NFX1: variants seen among roughly 807,000 people sequenced by gnomAD.
NFX1 encodes nuclear transcription factor, X-box binding 1.
NFX1 carries 69 observed loss-of-function variants against 137.2 expected under a neutral mutation model. The observed-to-expected ratio is 0.50, with a 90% CI of 0.41 to 0.61. The LOEUF is 0.61. NFX1 is among the 20% of genes least tolerant of loss of function. The pLI, the probability that NFX1 is intolerant of heterozygous loss-of-function variation, is 0.00. For missense variants in NFX1, 1,167 were observed against 1,391.0 expected, an observed-to-expected ratio of 0.84 and a Z score of 2.56; for synonymous variants, 495 against 474.1, an observed-to-expected ratio of 1.04 and a Z score of -0.57.
intron 19 of NFX1, among the ~76,000 whole-genome samples, chr9:33,362,674 T>TAGTAATA (rs1824033347): frequency 6.7e-6 from 1 of 149,058 alleles, no homozygotes; most frequent in Non-Finnish European, 1.5e-5. Flanking sequence ...AAATAGATGG[T>TAGTAATA]AGTAATAAGT....
chr9:33,322,877 C>G (rs2118419819), intron 9 of NFX1, among the ~76,000 whole-genome samples: 1 of 152,318 alleles, frequency 6.6e-6, no homozygotes, highest in East Asian at 1.9e-4. Flanking sequence ...TGTAGGCCAT[C>G]TAGTTCATCA....
At chr9:33,311,257 T>C (rs1821949928) in intron 6 of NFX1, 80 bp downstream of exon 6, 3 of 1,291,800 alleles carry the variant, frequency 2.3e-6, no homozygotes, top group Admixed American at 1.7e-5. Flanking sequence ...AATAAAAGAA[T>C]AGTAGGTAGA....
chr9:33,369,008 C>T (rs898883954), intron 23 of NFX1, among the ~76,000 whole-genome samples: 1 of 152,188 alleles, frequency 6.6e-6, no homozygotes, highest in African/African-American at 2.4e-5. Flanking sequence ...CGGGTCCAGT[C>T]CTGCTTAGAC....
intron 9 of NFX1, among the ~76,000 whole-genome samples, chr9:33,328,223 C>T (rs1377166889): frequency 6.6e-6 from 1 of 150,788 alleles, no homozygotes; most frequent in Non-Finnish European, 1.5e-5. Flanking sequence ...CACAGGGTTT[C>T]ACCATGTTCC....
chr9:33,320,495 T>C (rs1408381443), intron 9 of NFX1, among the ~76,000 whole-genome samples: 3 of 152,212 alleles, frequency 2.0e-5, no homozygotes, highest in Non-Finnish European at 4.4e-5. Flanking sequence ...TTGTTTATAT[T>C]CTTATCAGTG....
intron 1 of NFX1, among the ~76,000 whole-genome samples, chr9:33,293,403 A>G (rs1191380950): frequency 6.6e-6 from 1 of 152,246 alleles, no homozygotes; most frequent in African/African-American, 2.4e-5. Context: ...TAGTCCTAAC[A>G]GCAATGATAG....
intron 11 of NFX1, among the ~76,000 whole-genome samples, chr9:33,335,916 A>G (rs1445962166): frequency 1.3e-5 from 2 of 152,228 alleles, no homozygotes; most frequent in South Asian, 2.1e-4. Flanking sequence ...TTATGAATAT[A>G]CATTTTATCC....
intron 19 of NFX1, among the ~76,000 whole-genome samples, chr9:33,359,631 T>C (rs1321397444): frequency 6.6e-6 from 1 of 152,068 alleles, no homozygotes; most frequent in African/African-American, 2.4e-5. Flanking sequence ...TCCTGACTAA[T>C]CCTCCATCTC....
chr9:33,326,463 A>T (rs1383611499), intron 9 of NFX1, among the ~76,000 whole-genome samples: 1 of 150,828 alleles, frequency 6.6e-6, no homozygotes, highest in African/African-American at 2.4e-5. Flanking sequence ...TCTCACCTGT[A>T]ATCCCAGCTA....
At chr9:33,366,597 T>G in intron 21 of NFX1, 32 bp from the exon 22 acceptor site, 2 of 1,611,116 alleles carry the variant, frequency 1.2e-6, no homozygotes, top group Non-Finnish European at 1.7e-6. Flanking sequence ...CAGAATGATA[T>G]GATCAATCAG....
At chr9:33,296,825 T>C (rs1371457999) in intron 2 of NFX1, among the ~76,000 whole-genome samples, 1 of 152,258 alleles carries the variant, frequency 6.6e-6, no homozygotes, top group African/African-American at 2.4e-5. Flanking sequence ...TGTCTTTCTC[T>C]TAAATTTGCA....
intron 17 of NFX1, 182 bp downstream of exon 17, chr9:33,352,901 A>G (rs1467053376): frequency 3.6e-6 from 2 of 555,360 alleles, no homozygotes; most frequent in Non-Finnish European, 6.4e-6. Context: ...GTATCCTTGC[A>G]ACTTTTCTAA....
intron 15 of NFX1, chr9:33,348,588 T>C (rs2118624082): frequency 5.6e-6 from 1 of 177,868 alleles, no homozygotes; most frequent in Non-Finnish European, 1.1e-5. Context: ...ATTACCAAAA[T>C]GTGATGCAGA....
intron 6 of NFX1, 86 bp from the exon 7 acceptor site, chr9:33,313,568 G>A: frequency 7.4e-7 from 1 of 1,346,296 alleles, no homozygotes; most frequent in Non-Finnish European, 1.0e-6. Context: ...GGGTTTTGAG[G>A]GGAGAGTTAG....
At chr9:33,299,147 C>T (rs1821462258) in intron 2 of NFX1, among the ~76,000 whole-genome samples, 2 of 152,212 alleles carry the variant, frequency 1.3e-5, no homozygotes, top group African/African-American at 2.4e-5. Context: ...TAACGTCTTA[C>T]ATAACCAGAC....
intron 1 of NFX1, among the ~76,000 whole-genome samples, chr9:33,291,519 C>T (rs1821160021): frequency 6.6e-6 from 1 of 152,196 alleles, no homozygotes; most frequent in South Asian, 2.1e-4. Context: ...TCAGCTCTGT[C>T]CCTGACCAGC....
At chr9:33,341,560 A>G (rs548156556) in intron 12 of NFX1, among the ~76,000 whole-genome samples, 2 of 152,338 alleles carry the variant, frequency 1.3e-5, no homozygotes, top group East Asian at 1.9e-4. Context: ...TTAAATTTAT[A>G]TATTTAAGTG....
At chr9:33,305,018 T>C (rs1364400178) in intron 4 of NFX1, among the ~76,000 whole-genome samples, 1 of 152,234 alleles carries the variant, frequency 6.6e-6, no homozygotes, top group Non-Finnish European at 1.5e-5. Flanking sequence ...AGAATGCACA[T>C]AAAGGCCTTA....
In NFX1 at chr9:33,320,335, C is replaced by T. The variant is rs973082501; in HGVS notation, c.1906+1208C>T. Among the ~76,000 whole-genome samples the T allele has an allele frequency of 7.2e-5, 11 of 152,258 alleles. No individual in the cohort carries two copies. The East Asian group carries it at 1.4e-3, about 19-fold the overall frequency. ...TTACTGAAGGTGTTGTAATTTTTCT[C>T]TCATTGACCCAGAGTCATCATTTTT... On this transcript the variant is annotated intron_variant, in intron 9 of 23. Transcript: ENST00000379540.
Sources: allele counts gnomAD v4.1 joint callset (sites outside exome capture counted in the v4.1 genomes callset), GRCh38; gene constraint gnomAD v4.1.1; transcripts MANE v1.5; gene names NCBI Gene and HGNC (gene_info 2026-07-23, HGNC 2026-07-21).